MARCHF1: variants seen among roughly 807,000 people sequenced by gnomAD.
MARCHF1 encodes membrane associated ring-CH-type finger 1, also known as E3 ubiquitin-protein ligase MARCHF1.
Under a neutral mutation model 54.2 loss-of-function variants are expected in MARCHF1, and 40 were observed. The ratio of observed to expected loss-of-function variants is 0.74; its 90% confidence interval spans 0.57 to 0.96. MARCHF1 has a LOEUF of 0.96. Ranked by LOEUF, MARCHF1 falls within the 40% of genes least tolerant of loss-of-function variation. The pLI, the probability that MARCHF1 is intolerant of heterozygous loss-of-function variation, is 0.00. For missense variants in MARCHF1, 586 were observed against 656.5 expected, an observed-to-expected ratio of 0.89 and a Z score of 1.17; for synonymous variants, 236 against 236.3, an observed-to-expected ratio of 1.00 and a Z score of 0.01.
intron 1 of MARCHF1, among the ~76,000 whole-genome samples, chr4:164,205,209 G>A (rs7659647): frequency 0.025 from 3,856 of 152,204 alleles, 166 homozygotes; most frequent in African/African-American, 0.087. Context: ...AACAATCTAT[G>A]TATAATGATC....
intron 1 of MARCHF1, among the ~76,000 whole-genome samples, chr4:164,356,696 T>C (rs1006132695): frequency 7.9e-6 from 1 of 126,968 alleles, no homozygotes; most frequent in African/African-American, 2.8e-5. Context: ...CGCACCAGCA[T>C]GGCACATGTA....
At chr4:163,988,028 A>G (rs906241283) in intron 3 of MARCHF1, among the ~76,000 whole-genome samples, 26 of 152,174 alleles carry the variant, frequency 1.7e-4, no homozygotes, top group Non-Finnish European at 2.8e-4. Context: ...TGAGGCTCTA[A>G]CTCATGTTAT....
intron 5 of MARCHF1, among the ~76,000 whole-genome samples, chr4:163,656,887 AG>A (rs1743164931): frequency 6.6e-6 from 1 of 152,094 alleles, no homozygotes; most frequent in Non-Finnish European, 1.5e-5. Flanking sequence ...TCAACAAACT[AG>A]GTATTGAAGG....
intron 4 of MARCHF1, among the ~76,000 whole-genome samples, chr4:163,800,460 G>A (rs1245685103): frequency 1.3e-5 from 2 of 151,782 alleles, no homozygotes; most frequent in African/African-American, 2.4e-5. Flanking sequence ...ATTCCAAAGA[G>A]TATTTTTCTT....
intron 1 of MARCHF1, among the ~76,000 whole-genome samples, chr4:164,159,922 T>C (rs1408619172): frequency 6.6e-6 from 1 of 152,194 alleles, no homozygotes; most frequent in Non-Finnish European, 1.5e-5. Flanking sequence ...GGCAAATATA[T>C]GACATTCAGT....
intron 4 of MARCHF1, among the ~76,000 whole-genome samples, chr4:163,815,655 C>G (rs917446066): frequency 1.3e-5 from 2 of 152,070 alleles, no homozygotes; most frequent in African/African-American, 2.4e-5. Flanking sequence ...CTGTTCCATA[C>G]AGTAAGACCT....
intron 3 of MARCHF1, among the ~76,000 whole-genome samples, chr4:163,893,064 ATT>A (rs781043843): frequency 2.8e-5 from 4 of 145,296 alleles, no homozygotes; most frequent in African/African-American, 7.6e-5. Context: ...CCCCAGAAGG[ATT>A]TTTTTTTTTT....
At chr4:163,801,783 T>C in intron 4 of MARCHF1, among the ~76,000 whole-genome samples, 1 of 152,024 alleles carries the variant, frequency 6.6e-6, no homozygotes, top group Middle Eastern at 3.2e-3. Flanking sequence ...ATAAACACAC[T>C]TTGTGTATCT....
At chr4:163,532,211 A>G (rs1375796218) in intron 9 of MARCHF1, among the ~76,000 whole-genome samples, 1 of 151,914 alleles carries the variant, frequency 6.6e-6, no homozygotes, top group African/African-American at 2.4e-5. Flanking sequence ...ACGGTGATCA[A>G]GACAGTGTGG....
chr4:164,030,888 T>C (rs895036338), intron 2 of MARCHF1, among the ~76,000 whole-genome samples: 1 of 152,142 alleles, frequency 6.6e-6, no homozygotes, highest in Non-Finnish European at 1.5e-5. Flanking sequence ...TGCTTGTCTA[T>C]TGTTGGTGTA....
chr4:163,823,842 C>A (rs1239636131), intron 4 of MARCHF1, among the ~76,000 whole-genome samples: 1 of 150,758 alleles, frequency 6.6e-6, no homozygotes, highest in Non-Finnish European at 1.5e-5. Context: ...AAACCATAGT[C>A]AATGTGCTTT....
chr4:163,905,381 G>A (rs985877006), intron 3 of MARCHF1, among the ~76,000 whole-genome samples: 1 of 152,044 alleles, frequency 6.6e-6, no homozygotes, highest in Non-Finnish European at 1.5e-5. Flanking sequence ...TGCTGTTAAT[G>A]ATTACTCTCC....
intron 2 of MARCHF1, among the ~76,000 whole-genome samples, chr4:164,102,711 G>A (rs926652556): frequency 9.9e-5 from 15 of 151,660 alleles, no homozygotes; most frequent in Non-Finnish European, 2.1e-4. Context: ...ATCAACTAAT[G>A]AGCAAAATAA....
At chr4:163,672,497 C>G in intron 5 of MARCHF1, among the ~76,000 whole-genome samples, 1 of 152,118 alleles carries the variant, frequency 6.6e-6, no homozygotes, top group East Asian at 1.9e-4. Context: ...TTTTATAAGA[C>G]TCTTTTTTAC....
intron 3 of MARCHF1, among the ~76,000 whole-genome samples, chr4:163,924,358 G>A (rs921833858): frequency 1.3e-5 from 2 of 152,006 alleles, no homozygotes; most frequent in Non-Finnish European, 2.9e-5. Flanking sequence ...AAAATCATGA[G>A]CTAAGGAAAA....
At chr4:164,340,405 T>TTTTATATACATA (rs1327005165) in intron 1 of MARCHF1, among the ~76,000 whole-genome samples, 1 of 95,650 alleles carries the variant, frequency 1.0e-5, no homozygotes, top group Non-Finnish European at 2.2e-5. Context: ...AGGCCTTGAT[T>TTTTATATACATA]TATATATAGA....
intron 2 of MARCHF1, among the ~76,000 whole-genome samples, chr4:164,082,843 A>T (rs1755127251): frequency 6.6e-6 from 1 of 152,228 alleles, no homozygotes; most frequent in South Asian, 2.1e-4. Context: ...AATGAAGCAC[A>T]TCTTCACAAA....
At chr4:163,758,888 T>C (rs1746752571) in intron 4 of MARCHF1, among the ~76,000 whole-genome samples, 1 of 152,182 alleles carries the variant, frequency 6.6e-6, no homozygotes, top group South Asian at 2.1e-4. Context: ...ATTTTGCAAA[T>C]TGATATTCAC....
intron 1 of MARCHF1, among the ~76,000 whole-genome samples, chr4:164,283,910 C>T (rs1201810264): frequency 6.6e-6 from 1 of 150,864 alleles, no homozygotes; most frequent in African/African-American, 2.4e-5. Flanking sequence ...AGGTTATTAT[C>T]ATTAGAAACA....
Sources: allele counts gnomAD v4.1 joint callset (sites outside exome capture counted in the v4.1 genomes callset), GRCh38; gene constraint gnomAD v4.1.1; transcripts MANE v1.5; gene names NCBI Gene and HGNC (gene_info 2026-07-23, HGNC 2026-07-21).